Variants in ZNF385D observed in about 807,000 individuals in gnomAD.
ZNF385D encodes the protein zinc finger protein 385D.
Under a neutral mutation model 35.8 loss-of-function variants are expected in ZNF385D, and 15 were observed. That is an observed-to-expected ratio of 0.42 (90% CI 0.28 to 0.64). The LOEUF is 0.64. ZNF385D is among the 30% of genes least tolerant of loss of function. ZNF385D has a pLI of 0.23. For synonymous variants in ZNF385D, 212 were observed against 186.8 expected (o/e 1.13, Z -1.10); for missense variants, 474 against 494.6 (o/e 0.96, Z 0.39).
rs377348833 is a variant in ZNF385D, at chr3:22,241,441, G to A, written c.107-72406C>T. On this transcript the variant is annotated intron_variant, in intron 2 of 5. Coordinates refer to the ZNF385D transcript ENST00000494108. ...TCACCTTTACCTGTATTTGTTTCTC[G>A]TCTGAATCACTAGGTGCTGGCCTTG... is the stretch of plus-strand genomic sequence containing the variant. 5.7e-4 allele frequency among the ~76,000 whole-genome samples: 86 copies of A among 151,050 alleles called. 3 individuals are homozygous for A. The highest frequency in any genetic ancestry group is 1.7e-3 in the African/African-American group (71 of 40,894).
chr3:21,630,157 C>A (rs1012668441), intron 2 of ZNF385D, among the ~76,000 whole-genome samples: 1 of 151,268 alleles, frequency 6.6e-6, no homozygotes, highest in Admixed American at 6.6e-5. Flanking sequence ...ATGGTAGAAC[C>A]AGCATTCAAA....
intron 2 of ZNF385D, among the ~76,000 whole-genome samples, chr3:22,247,646 G>C (rs369252567): frequency 2.5e-5 from 2 of 80,756 alleles, no homozygotes; most frequent in Non-Finnish European, 4.7e-5. Flanking sequence ...TTTATTTATT[G>C]AGATGGAGTC....
chr3:21,878,253 G>C (rs1419015565), intron 3 of ZNF385D: 1 of 151,888 alleles, frequency 6.6e-6, no homozygotes, highest in Non-Finnish European at 1.5e-5. Flanking sequence ...TCATAAAAAC[G>C]AGAGTTTGGA....
At chr3:21,524,299 A>T (rs1708086841) in intron 3 of ZNF385D, among the ~76,000 whole-genome samples, 1 of 152,192 alleles carries the variant, frequency 6.6e-6, no homozygotes, top group Non-Finnish European at 1.5e-5. Flanking sequence ...CCACTGGGAA[A>T]TGTCATTTGA....
rs78080401 is a variant in ZNF385D at position 22,273,133 on chromosome 3, A to G, written c.106+99317T>C. Among the ~76,000 whole-genome samples, 332 of 152,122 alleles carry G rather than the reference A, an allele frequency of 2.2e-3. 3 individuals are homozygous for G. The highest frequency in any genetic ancestry group is 7.0e-3 in the African/African-American group (289 of 41,556). On this transcript the variant is annotated intron_variant, in intron 2 of 5. Transcript: ENST00000494108. ...AAGAATCATTTTACAGAGTAACAAT[A>G]TATTTCCCTGGACTAAAGGTAAACA...
intron 3 of ZNF385D, among the ~76,000 whole-genome samples, chr3:21,830,429 C>A (rs542647979): frequency 6.6e-6 from 1 of 152,062 alleles, no homozygotes; most frequent in Non-Finnish European, 1.5e-5. Context: ...ATTTATATTC[C>A]TCTGGTATAA....
intron 2 of ZNF385D, among the ~76,000 whole-genome samples, chr3:22,179,348 T>C (rs904369552): frequency 2.0e-5 from 3 of 152,222 alleles, no homozygotes; most frequent in South Asian, 2.1e-4. Context: ...TTTGAAGAAA[T>C]TGTGAATGGG....
Position 22,298,374 on chromosome 3 carries a change from ATGTG to A in ZNF385D, c.106+74072_106+74075del, listed in dbSNP as rs372178423. Among the ~76,000 whole-genome samples, 139 of 143,820 alleles carry A rather than the reference ATGTG, an allele frequency of 9.7e-4. 3 individuals carry two copies. In the Middle Eastern group the frequency reaches 0.011, roughly 11 times the overall value. 94.4% of individuals were successfully genotyped at this position (143,820 alleles called of 152,430 possible). On this transcript the variant is annotated intron_variant, in intron 2 of 5. Transcript: ENST00000494108. ...AGGAGAAGAGGAGAAAGCAGTATGTATGTGTGTGTGTGTGTGTGTGTATATATAT... is the reference window on the plus strand; with the variant it reads ...AGGAGAAGAGGAGAAAGCAGTATGTATGTGTGTGTGTGTGTGTATATATAT...
chr3:21,978,764 C>G (rs1047152909), intron 3 of ZNF385D, among the ~76,000 whole-genome samples: 1 of 151,946 alleles, frequency 6.6e-6, no homozygotes, highest in African/African-American at 2.4e-5. Flanking sequence ...AAAGTCTTCT[C>G]GGGGAGCAAG....
At chr3:21,826,474 A>G (rs1434457235) in intron 3 of ZNF385D, among the ~76,000 whole-genome samples, 1 of 152,152 alleles carries the variant, frequency 6.6e-6, no homozygotes, top group Non-Finnish European at 1.5e-5. Flanking sequence ...AGGGTGATAG[A>G]GTTGTTGATG....
chr3:21,685,783 A>T (rs560398351), intron 1 of ZNF385D, among the ~76,000 whole-genome samples: 1 of 152,316 alleles, frequency 6.6e-6, no homozygotes, highest in South Asian at 2.1e-4. Context: ...TGCCTATCCT[A>T]ATTTAGAAAA....
At chr3:21,969,223 G>C (rs1703092626) in intron 3 of ZNF385D, among the ~76,000 whole-genome samples, 1 of 152,126 alleles carries the variant, frequency 6.6e-6, no homozygotes, top group African/African-American at 2.4e-5. Context: ...GTAGATACCT[G>C]ATATGTTTAG....
chr3:22,313,297 C>T (rs1212235123), intron 2 of ZNF385D, among the ~76,000 whole-genome samples: 4 of 150,860 alleles, frequency 2.7e-5, no homozygotes, highest in African/African-American at 4.9e-5. Flanking sequence ...ATACCTAATG[C>T]TAAATGACGA....
chr3:21,977,228 G>T (rs778206731), intron 3 of ZNF385D, among the ~76,000 whole-genome samples: 44 of 152,050 alleles, frequency 2.9e-4, no homozygotes, highest in Non-Finnish European at 5.6e-4. Context: ...TGACTTAATG[G>T]TAGTCACACA....
At chr3:22,104,211 A>G (rs943415763) in intron 3 of ZNF385D, among the ~76,000 whole-genome samples, 2 of 152,112 alleles carry the variant, frequency 1.3e-5, no homozygotes, top group African/African-American at 4.8e-5. Context: ...CAGCAGGTGC[A>G]TCTGTGAAAA....
chr3:22,094,438 A>G (rs952066530), intron 3 of ZNF385D, among the ~76,000 whole-genome samples: 9 of 147,312 alleles, frequency 6.1e-5, no homozygotes, highest in African/African-American at 2.3e-4. Context: ...TGAGTCCTCC[A>G]AGAAAAAGAC....
chr3:21,600,150 C>T (rs1336235957), intron 2 of ZNF385D, among the ~76,000 whole-genome samples: 2 of 152,138 alleles, frequency 1.3e-5, no homozygotes, highest in South Asian at 2.1e-4. Flanking sequence ...AATAATCCAG[C>T]CCCTGTTTAG....
At chr3:22,151,921 G>C (rs1210524510) in intron 3 of ZNF385D, among the ~76,000 whole-genome samples, 1 of 152,052 alleles carries the variant, frequency 6.6e-6, no homozygotes, top group Non-Finnish European at 1.5e-5. Context: ...GGCAACATAG[G>C]AGTTTCTTGT....
intron 3 of ZNF385D, among the ~76,000 whole-genome samples, chr3:21,923,720 G>T (rs748134237): frequency 6.6e-6 from 1 of 152,160 alleles, no homozygotes; most frequent in Non-Finnish European, 1.5e-5. Flanking sequence ...CATGGATGCA[G>T]TTGGAGTCCA....
Sources: allele counts gnomAD v4.1 joint callset (sites outside exome capture counted in the v4.1 genomes callset), GRCh38; gene constraint gnomAD v4.1.1; transcripts MANE v1.5; gene names NCBI Gene and HGNC (gene_info 2026-07-23, HGNC 2026-07-21).